SNX29: variants seen among roughly 807,000 people sequenced by gnomAD.
The protein encoded by SNX29 is sorting nexin-29.
A neutral mutation model predicts 102.1 loss-of-function variants in SNX29; 78 were observed. The observed-to-expected ratio is 0.76, with a 90% CI of 0.64 to 0.92. SNX29 has a LOEUF of 0.92. SNX29 is among the 40% of genes least tolerant of loss of function. The pLI, the probability that SNX29 is intolerant of heterozygous loss-of-function variation, is 0.00. For synonymous variants in SNX29, 580 were observed against 414.5 expected, an observed-to-expected ratio of 1.40 and a Z score of -4.85; for missense variants, 1,280 against 1,061.7, an observed-to-expected ratio of 1.21 and a Z score of -2.86.
In SNX29 at chr16:12,199,739, G is replaced by A. The variant is rs1230731090; in HGVS notation, c.1678+56G>A. On this transcript the variant is annotated intron_variant, in intron 14 of 20. Transcript: ENST00000566228. The stretch of plus-strand genomic sequence containing the variant: ...GGGCCGGGCTTTTCCATTAACACCT[G>A]TACGTGGCACGCAATAGACACTCAA... The A allele has an allele frequency of 3.5e-6, 5 of 1,437,138 alleles. No homozygotes were observed. In the African/African-American group the frequency reaches 5.7e-5, roughly 16 times the overall value. 89.0% of individuals were successfully genotyped at this position (1,437,138 alleles called of 1,614,324 possible). A position where few individuals can be genotyped will look rare whatever the true frequency, so the allele number is the denominator to read the frequency against.
chr16:12,319,646 G>C (rs1318666594), intron 15 of SNX29, among the ~76,000 whole-genome samples: 1 of 152,156 alleles, frequency 6.6e-6, no homozygotes, highest in Non-Finnish European at 1.5e-5. Flanking sequence ...GTGATGAGGA[G>C]GGCTGGTTTC....
chr16:12,537,027 G>T (rs2077107958), intron 20 of SNX29, among the ~76,000 whole-genome samples: 1 of 152,152 alleles, frequency 6.6e-6, no homozygotes, highest in African/African-American at 2.4e-5. Flanking sequence ...GGCCGGGGGA[G>T]CACACAGCAA....
intron 18 of SNX29, among the ~76,000 whole-genome samples, chr16:12,416,445 A>G (rs912162060): frequency 4.6e-5 from 7 of 152,218 alleles, no homozygotes; most frequent in Admixed American, 3.3e-4. Context: ...CAAAGAAATG[A>G]GAAGTATTTG....
chr16:12,516,234 C>G (rs1311899255), intron 19 of SNX29, among the ~76,000 whole-genome samples: 1 of 152,146 alleles, frequency 6.6e-6, no homozygotes, highest in Non-Finnish European at 1.5e-5. Flanking sequence ...GATCTCAGCA[C>G]TCTAGGAGGC....
intron 13 of SNX29, among the ~76,000 whole-genome samples, chr16:12,195,403 C>T (rs1282856996): frequency 1.3e-5 from 2 of 152,178 alleles, no homozygotes; most frequent in Non-Finnish European, 2.9e-5. Flanking sequence ...AGTAGACTTG[C>T]TGGGTCAGAA....
intron 5 of SNX29, among the ~76,000 whole-genome samples, chr16:12,044,806 C>T (rs900209970): frequency 4.6e-5 from 7 of 152,184 alleles, no homozygotes; most frequent in Non-Finnish European, 7.3e-5. Flanking sequence ...TCTTCTTGAT[C>T]TCCTGACCTC....
chr16:12,217,002 A>T (rs569159688), intron 14 of SNX29, among the ~76,000 whole-genome samples: 1 of 152,160 alleles, frequency 6.6e-6, no homozygotes, highest in Non-Finnish European at 1.5e-5. Flanking sequence ...CACAAAAAGA[A>T]TGGGTATTAG....
intron 20 of SNX29, among the ~76,000 whole-genome samples, chr16:12,553,446 T>C (rs1316852714): frequency 1.3e-5 from 2 of 152,136 alleles, no homozygotes; most frequent in African/African-American, 4.8e-5. Flanking sequence ...CTGCTGAGCA[T>C]GGTGTAGACC....
intron 11 of SNX29, among the ~76,000 whole-genome samples, chr16:12,099,026 T>G (rs953001483): frequency 6.6e-6 from 1 of 152,088 alleles, no homozygotes. Context: ...CTACTTCATG[T>G]GAAAATGGGA....
At chr16:12,239,713 G>A (rs1484921807) in intron 14 of SNX29, among the ~76,000 whole-genome samples, 3 of 151,038 alleles carry the variant, frequency 2.0e-5, no homozygotes, top group East Asian at 1.9e-4. Context: ...CCAGCTACTC[G>A]GGAGGCTGAG....
chr16:12,492,520 A>G (rs1362826809), intron 19 of SNX29, among the ~76,000 whole-genome samples: 1 of 152,034 alleles, frequency 6.6e-6, no homozygotes, highest in Admixed American at 6.6e-5. Context: ...GCTGTGCAGA[A>G]GCTCTTTAGT....
chr16:12,565,516 T>TCTGCTCCACATGGCC (rs1197665839), intron 20 of SNX29, among the ~76,000 whole-genome samples: 42 of 152,262 alleles, frequency 2.8e-4, no homozygotes, highest in African/African-American at 9.9e-4. Flanking sequence ...GAGACATGGC[T>TCTGCTCCACATGGCC]CTGCTCCACA....
intron 19 of SNX29, among the ~76,000 whole-genome samples, chr16:12,487,136 T>A (rs994021055): frequency 1.3e-5 from 2 of 152,180 alleles, no homozygotes; most frequent in Non-Finnish European, 2.9e-5. Flanking sequence ...GGTGGTTACA[T>A]CTGTAAAGTG....
intron 13 of SNX29, among the ~76,000 whole-genome samples, chr16:12,164,256 G>C (rs2055914339): frequency 6.6e-6 from 1 of 152,130 alleles, no homozygotes; most frequent in African/African-American, 2.4e-5. Context: ...GAATGTGAGA[G>C]GGCAATGAGG....
intron 15 of SNX29, among the ~76,000 whole-genome samples, chr16:12,341,703 C>T (rs910527073): frequency 2.0e-5 from 3 of 152,210 alleles, no homozygotes; most frequent in Non-Finnish European, 4.4e-5. Context: ...GGTCACACGC[C>T]AGCAGTCCTA....
intron 16 of SNX29, among the ~76,000 whole-genome samples, chr16:12,376,857 C>G (rs1361188539): frequency 2.0e-5 from 3 of 152,022 alleles, no homozygotes; most frequent in Non-Finnish European, 2.9e-5. Flanking sequence ...TCTCTTTGCC[C>G]CGTTCTATCC....
chr16:12,497,185 A>C (rs1042917522), intron 19 of SNX29, among the ~76,000 whole-genome samples: 1 of 152,258 alleles, frequency 6.6e-6, no homozygotes, highest in Non-Finnish European at 1.5e-5. Flanking sequence ...CAAGATCCTA[A>C]GGCATCTTAA....
chr16:12,236,997 G>C (rs980223040), intron 14 of SNX29, among the ~76,000 whole-genome samples: 2 of 152,188 alleles, frequency 1.3e-5, no homozygotes, highest in Non-Finnish European at 2.9e-5. Context: ...TTGAAGGTTG[G>C]TGCAGGCTTG....
At chr16:12,135,677 A>C in intron 13 of SNX29, 1 of 1,220,982 alleles carries the variant, frequency 8.2e-7, no homozygotes, top group African/African-American at 1.5e-5. Flanking sequence ...GTCTTTCCTG[A>C]AGCTGTGTTT....
Sources: allele counts gnomAD v4.1 joint callset (sites outside exome capture counted in the v4.1 genomes callset), GRCh38; gene constraint gnomAD v4.1.1; transcripts MANE v1.5; gene names NCBI Gene and HGNC (gene_info 2026-07-23, HGNC 2026-07-21).